The following NFIC variants were observed in gnomAD, a reference collection of about 807,000 sequenced individuals.
NFIC encodes the protein nuclear factor 1 C-type.
NFIC carries 12 observed loss-of-function variants against 54.4 expected under a neutral mutation model. That is an observed-to-expected ratio of 0.22 (90% CI 0.14 to 0.36). The LOEUF (loss-of-function observed/expected upper bound fraction) is 0.36, where lower values mean the gene tolerates loss of function less well. Among genes scored for constraint, NFIC ranks in the 10% least tolerant of loss-of-function variants. The pLI is 1.00. For missense variants in NFIC, 575 were observed against 718.2 expected, an observed-to-expected ratio of 0.80 and a Z score of 2.28; for synonymous variants, 322 against 319.2, an observed-to-expected ratio of 1.01 and a Z score of -0.09.
At chr19:3,366,472 CAGGAGGGAGG>C (rs2080884693), upstream of NFIC, 2 of 503,566 alleles carry the variant, frequency 4.0e-6, no homozygotes, top group Admixed American at 4.7e-5. Context: ...AGAGGGAGAG[CAGGAGGGAGG>C]AGGAGGGAGA....
intron 2 of NFIC, among the ~76,000 whole-genome samples, chr19:3,393,010 G>A (rs1438192965): frequency 6.6e-5 from 10 of 152,028 alleles, no homozygotes; most frequent in African/African-American, 1.9e-4. Context: ...GCGCGATCTC[G>A]GCTCGCTGCA....
intron 6 of NFIC, among the ~76,000 whole-genome samples, chr19:3,441,380 C>A (rs1471264505): frequency 1.3e-5 from 2 of 152,244 alleles, no homozygotes; most frequent in Non-Finnish European, 2.9e-5. Flanking sequence ...CGGCAACACT[C>A]TGTGAGATCA....
At chr19:3,398,925 G>A (rs1207042197) in intron 2 of NFIC, among the ~76,000 whole-genome samples, 4 of 152,246 alleles carry the variant, frequency 2.6e-5, no homozygotes, top group East Asian at 1.9e-4. Context: ...CAGCAAGGCC[G>A]CCATTAATGT....
chr19:3,456,700 T>C, intron 10 of NFIC, 65 bp downstream of exon 10: 1 of 1,348,372 alleles, frequency 7.4e-7, no homozygotes, highest in Non-Finnish European at 1.0e-6. Context: ...CCCGGGGGGC[T>C]CAGGGCGAAG....
chr19:3,456,741 G>A, intron 10 of NFIC, 106 bp downstream of exon 10: 2 of 1,123,040 alleles, frequency 1.8e-6, no homozygotes, highest in Non-Finnish European at 2.6e-6. Flanking sequence ...CCACACCCCT[G>A]GCACAGGGGC....
At chr19:3,366,534 C>A (rs944272414), upstream of NFIC, 2 of 361,260 alleles carry the variant, frequency 5.5e-6, no homozygotes, top group Non-Finnish European at 8.5e-6. Flanking sequence ...GGCCGCGGGG[C>A]GGGGGGGGGG....
In NFIC at chr19:3,391,667, CGTGCCT is replaced by C. The variant is rs575858403; in HGVS notation, c.562+9427_562+9432del. On this transcript the variant is annotated intron_variant, in intron 2 of 10. Transcript: ENST00000443272. ...CAAAAATTAGCCAGGCATGGTGGCG[CGTGCCT>C]GTAATCCCAGCTACTTGGGAGGCTG... 4.2e-4 allele frequency among the ~76,000 whole-genome samples: 64 copies of C among 151,882 alleles called. 1 individual carries two copies. The highest frequency in any genetic ancestry group is 8.4e-4 in the Non-Finnish European group (57 of 67,940).
intron 6 of NFIC, among the ~76,000 whole-genome samples, chr19:3,441,778 G>A (rs919888653): frequency 6.6e-6 from 1 of 152,194 alleles, no homozygotes; most frequent in Non-Finnish European, 1.5e-5. Flanking sequence ...GGGTGCCTCC[G>A]CAGAGGGAGG....
chr19:3,359,666 C>T (rs1322491883), exon 1 of NFIC: 1 of 1,407,456 alleles, frequency 7.1e-7, no homozygotes, highest in East Asian at 3.1e-5. Context: ...CCGGCCTCGC[C>T]TCCTCGCAGC....
intron 2 of NFIC, among the ~76,000 whole-genome samples, chr19:3,406,600 C>T (rs765468175): frequency 3.9e-5 from 6 of 152,132 alleles, no homozygotes; most frequent in African/African-American, 7.2e-5. Context: ...GCGCTCAAGA[C>T]GTGTGTTGGA....
chr19:3,397,829 A>ACC (rs2081489207), intron 2 of NFIC, among the ~76,000 whole-genome samples: 1 of 151,580 alleles, frequency 6.6e-6, no homozygotes, highest in African/African-American at 2.4e-5. Context: ...CAAATCCCAC[A>ACC]CCCTCCCCAA....
chr19:3,368,974 T>G (rs1414231192), intron 1 of NFIC, among the ~76,000 whole-genome samples: 1 of 151,830 alleles, frequency 6.6e-6, no homozygotes, highest in Admixed American at 6.6e-5. Flanking sequence ...TCTCCATCTC[T>G]GTCTCTCCCC....
chr19:3,460,900 G>GAATA (rs1284194777), intron 10 of NFIC, among the ~76,000 whole-genome samples: 5 of 150,274 alleles, frequency 3.3e-5, no homozygotes, highest in Admixed American at 3.3e-4. Context: ...CAAAGCAAAC[G>GAATA]AATAAGCTGA....
chr19:3,462,699 G>A, intron 10 of NFIC, 53 bp from the exon 11 acceptor site: 2 of 1,598,326 alleles, frequency 1.3e-6, no homozygotes, highest in Non-Finnish European at 1.7e-6. Flanking sequence ...CTGACCCCTC[G>A]ACTTCTCTCC....
rs140958692 is a variant in NFIC, at chr19:3,444,091, G to A, written c.959-4923G>A. ...AATGGCTGCTCCGACGGGGTGATGAGGGCCTTTTGTCAAATACAAAGAGGA... is the reference window on the plus strand; with the variant it reads ...AATGGCTGCTCCGACGGGGTGATGAAGGCCTTTTGTCAAATACAAAGAGGA... On this transcript the variant is annotated intron_variant, in intron 6 of 10. Coordinates refer to ENST00000443272, the MANE Select transcript of NFIC (RefSeq NM_001245002.2). 6.4e-3 allele frequency among the ~76,000 whole-genome samples: 867 copies of A among 134,550 alleles called. 10 individuals are homozygous for A. The highest frequency in any genetic ancestry group is 0.021 in the African/African-American group (820 of 38,730). The allele number at this position is 134,550 out of a possible 152,430, so 88.3% of individuals were successfully genotyped here. A position where few individuals can be genotyped will look rare whatever the true frequency, so the allele number is the denominator to read the frequency against.
chr19:3,425,309 C>G (rs2082010787), intron 3 of NFIC, 132 bp downstream of exon 3: 4 of 1,076,750 alleles, frequency 3.7e-6, no homozygotes, highest in Non-Finnish European at 5.3e-6. Context: ...GGTTAAGGGG[C>G]CTGTCCAGGG....
intron 2 of NFIC, chr19:3,411,010 C>T (rs1254748054): frequency 5.6e-5 from 1 of 17,886 alleles, no homozygotes; most frequent in Non-Finnish European, 1.1e-4. Flanking sequence ...AACCCCAGTG[C>T]TGTTTTTGTT....
Position 3,426,573 on chromosome 19 carries a change from C to G in NFIC, c.634+1396C>G, listed in dbSNP as rs182438692. On this transcript the variant is annotated intron_variant, in intron 3 of 10. Coordinates refer to ENST00000443272, the MANE Select transcript of NFIC (RefSeq NM_001245002.2). ...TGAGCCCCCAAGTCAGGGCCCGTCCCTCCTCTGCGCACAGCCATCCACGGC... is the reference window on the plus strand; with the variant it reads ...TGAGCCCCCAAGTCAGGGCCCGTCCGTCCTCTGCGCACAGCCATCCACGGC... Among the ~76,000 whole-genome samples, 5 of 152,294 alleles carry G rather than the reference C, an allele frequency of 3.3e-5. No individual in the cohort carries two copies. In the East Asian group the frequency reaches 9.7e-4, roughly 29 times the overall value.
intron 1 of NFIC, among the ~76,000 whole-genome samples, chr19:3,372,707 T>TG (rs200447461): frequency 0.062 from 5,481 of 87,942 alleles, 590 homozygotes; most frequent in African/African-American, 0.17. Context: ...GGCCCAGGAG[T>TG]GGGGTGGGGG....
Sources: gnomAD v4.1 joint callset for allele counts (sites outside exome capture counted in the v4.1 genomes callset) on GRCh38, gnomAD v4.1.1 for gene constraint, MANE v1.5 for transcripts, NCBI Gene and HGNC (gene_info 2026-07-23, HGNC 2026-07-21) for gene names.